SLC24A3: variants seen among roughly 807,000 people sequenced by gnomAD.
SLC24A3 encodes the protein sodium/potassium/calcium exchanger 3.
In SLC24A3, 28 loss-of-function variants were observed where a neutral mutation model predicts 75.8. The ratio of observed to expected loss-of-function variants is 0.37; its 90% CI spans 0.27 to 0.51. The LOEUF (loss-of-function observed/expected upper bound fraction) is 0.51. Among genes scored for constraint, SLC24A3 ranks in the 20% least tolerant of loss-of-function variants. SLC24A3 has a pLI of 0.94. For missense variants in SLC24A3, 663 were observed against 847.8 expected (o/e 0.78, Z 2.71); for synonymous variants, 372 against 334.1 (o/e 1.11, Z -1.24).
chr20:19,225,754 TG>T (rs1035821900), intron 1 of SLC24A3, among the ~76,000 whole-genome samples: 1 of 152,340 alleles, frequency 6.6e-6, no homozygotes, highest in Admixed American at 6.5e-5. Context: ...TAAGTTGTTT[TG>T]CACATCAGTA....
rs565714977 is a variant in SLC24A3 at position 19,465,751 on chromosome 20, C to A, written c.272-49737C>A. ...AAAGTAGCTGCCCAATTGCACTCAG[C>A]AGTTCCTCTCTGTGATGTAATAGAA... On this transcript the variant is annotated intron_variant, in intron 2 of 16. Transcript: ENST00000328041. Among the ~76,000 whole-genome samples, 9 of 152,290 alleles carry A rather than the reference C, an allele frequency of 5.9e-5. 1 individual carries two copies. Among genetic ancestry groups the A allele is most frequent in the Admixed American group, 5.2e-4 (8 of 15,288 alleles).
At chr20:19,283,474 C>T (rs1983718711) in intron 2 of SLC24A3, among the ~76,000 whole-genome samples, 1 of 152,200 alleles carries the variant, frequency 6.6e-6, no homozygotes, top group Non-Finnish European at 1.5e-5. Flanking sequence ...ATAGTTGGAT[C>T]ACAGATGACA....
At chr20:19,407,488 G>A (rs558809859) in intron 2 of SLC24A3, among the ~76,000 whole-genome samples, 1 of 152,238 alleles carries the variant, frequency 6.6e-6, no homozygotes, top group Non-Finnish European at 1.5e-5. Context: ...CACAGAGGAG[G>A]GAAAATAACA....
intron 6 of SLC24A3, among the ~76,000 whole-genome samples, chr20:19,607,507 T>C (rs776599069): frequency 1.9e-4 from 29 of 152,240 alleles, no homozygotes; most frequent in South Asian, 8.3e-4. Context: ...AGCTATGAAC[T>C]AAATTACTTG....
intron 2 of SLC24A3, among the ~76,000 whole-genome samples, chr20:19,467,788 C>T (rs979422578): frequency 2.0e-5 from 3 of 150,956 alleles, no homozygotes; most frequent in Admixed American, 6.6e-5. Context: ...AGCTGAGGAA[C>T]GAGAATAGCT....
chr20:19,321,641 A>G (rs1199004238), intron 2 of SLC24A3, among the ~76,000 whole-genome samples: 1 of 152,224 alleles, frequency 6.6e-6, no homozygotes, highest in Non-Finnish European at 1.5e-5. Flanking sequence ...TTACATTTAA[A>G]TGGGCTTAAA....
Position 19,399,379 on chromosome 20 carries a change from A to G in SLC24A3, c.272-116109A>G, listed in dbSNP as rs140525352. 3.8e-3 allele frequency among the ~76,000 whole-genome samples: 573 copies of G among 152,268 alleles called. 7 individuals are homozygous for G. The highest frequency in any genetic ancestry group is 0.013 in the African/African-American group (532 of 41,566). The stretch of plus-strand genomic sequence containing the variant: ...TTTGAAACCTTTCTTCTTTTTCAAT[A>G]TAGATAAGTTCTATATATTTCCCCT... On this transcript the variant is annotated intron_variant, in intron 2 of 16. Transcript: ENST00000328041.
rs115809385 is a variant in SLC24A3 at position 19,392,028 on chromosome 20, T to C, written c.271+110941T>C. On this transcript the variant is annotated intron_variant, in intron 2 of 16. Transcript: ENST00000328041. ...TCTTCCTTTCAGAAATCTAACTTCA[T>C]GAGACCAGTGATAGAGTCCTGCTGT... Among the ~76,000 whole-genome samples the C allele has an allele frequency of 6.3e-3, 956 of 152,316 alleles. 8 individuals carry two copies. The highest frequency in any genetic ancestry group is 0.022 in the African/African-American group (911 of 41,566).
At chr20:19,506,153 A>C (rs1490657277) in intron 2 of SLC24A3, among the ~76,000 whole-genome samples, 2 of 152,250 alleles carry the variant, frequency 1.3e-5, no homozygotes, top group African/African-American at 4.8e-5. Context: ...TAAAGGACGG[A>C]TTCAAATCCA....
chr20:19,333,054 C>G (rs1338361649), intron 2 of SLC24A3, among the ~76,000 whole-genome samples: 1 of 152,146 alleles, frequency 6.6e-6, no homozygotes, highest in Non-Finnish European at 1.5e-5. Context: ...GATCATCCTG[C>G]CAGAAACTGG....
chr20:19,467,880 CA>C (rs58937169), intron 2 of SLC24A3, among the ~76,000 whole-genome samples: 24,410 of 104,396 alleles, frequency 0.23, 4,248 homozygotes, highest in African/African-American at 0.52. Context: ...GACCCTGTCT[CA>C]AAAAAAAAAA....
At chr20:19,719,004 CAG>C (rs35092689) in intron 16 of SLC24A3, among the ~76,000 whole-genome samples, 67,318 of 151,798 alleles carry the variant, frequency 0.44, 16,752 homozygotes, top group East Asian at 0.64. Context: ...CCAAAAGAAA[CAG>C]AGAAGGAACA....
At chr20:19,628,202 CAAAAAAA>C (rs776701707) in intron 6 of SLC24A3, among the ~76,000 whole-genome samples, 2,036 of 51,808 alleles carry the variant, frequency 0.039, 50 homozygotes, top group African/African-American at 0.094. Flanking sequence ...GACTCCATCT[CAAAAAAA>C]AAAAAAAAAA....
chr20:19,223,655 G>T (rs1414789234), intron 1 of SLC24A3, among the ~76,000 whole-genome samples: 1 of 152,160 alleles, frequency 6.6e-6, no homozygotes, highest in Non-Finnish European at 1.5e-5. Context: ...CTCTAAGAAA[G>T]GTTATGAGAA....
intron 1 of SLC24A3, among the ~76,000 whole-genome samples, chr20:19,271,825 A>G (rs1217600917): frequency 6.6e-6 from 1 of 151,918 alleles, no homozygotes; most frequent in East Asian, 1.9e-4. Flanking sequence ...GGGGACCTGG[A>G]GGGAAGGGTG....
intron 2 of SLC24A3, among the ~76,000 whole-genome samples, chr20:19,339,242 C>T (rs763507004): frequency 1.1e-4 from 17 of 152,154 alleles, no homozygotes; most frequent in Non-Finnish European, 1.6e-4. Flanking sequence ...CTCATTCTTA[C>T]CATCTGGGCT....
In SLC24A3 at chr20:19,714,578, G is replaced by A. The variant is rs148396702; in HGVS notation, c.1720-2950G>A. ...GGAAGTACAAGGGTCAGACAGCAAG[G>A]AGTAAATACAGGCTTTGAGAGCCCA... On this transcript the variant is annotated intron_variant, in intron 15 of 16. Coordinates refer to ENST00000328041, the MANE Select transcript of SLC24A3 (RefSeq NM_020689.4). 2.1e-4 allele frequency among the ~76,000 whole-genome samples: 32 copies of A among 152,228 alleles called. 1 individual carries two copies. The East Asian group carries it at 6.0e-3, about 29-fold the overall frequency.
chr20:19,718,720 G>T (rs1269051633), intron 16 of SLC24A3, among the ~76,000 whole-genome samples: 1 of 152,214 alleles, frequency 6.6e-6, no homozygotes, highest in Non-Finnish European at 1.5e-5. Flanking sequence ...CTGAAGAGAG[G>T]CAGGTTTGGG....
chr20:19,335,717 GTCAAGGGTAT>G (rs1438194823), intron 2 of SLC24A3, among the ~76,000 whole-genome samples: 1 of 152,190 alleles, frequency 6.6e-6, no homozygotes, highest in African/African-American at 2.4e-5. Context: ...AGATCACTGG[GTCAAGGGTAT>G]TCAGAAGATT....
Sources: gnomAD v4.1 joint callset for allele counts (sites outside exome capture counted in the v4.1 genomes callset) on GRCh38, gnomAD v4.1.1 for gene constraint, MANE v1.5 for transcripts, NCBI Gene and HGNC (gene_info 2026-07-23, HGNC 2026-07-21) for gene names.